KIF26B: variants seen among roughly 807,000 people sequenced by gnomAD.
The protein encoded by KIF26B is kinesin-like protein KIF26B.
A neutral mutation model predicts 151.2 loss-of-function variants in KIF26B; 63 were observed. The ratio of observed to expected loss-of-function variants is 0.42; its 90% CI spans 0.34 to 0.51. The LOEUF (loss-of-function observed/expected upper bound fraction) is 0.51. Among genes scored for constraint, KIF26B ranks in the 20% least tolerant of loss-of-function variants. The pLI, the probability that KIF26B is intolerant of heterozygous loss-of-function variation, is 0.07. For synonymous variants in KIF26B, 1,357 were observed against 1,262.1 expected (o/e 1.08, Z -1.59); for missense variants, 2,813 against 2,913.6 (o/e 0.97, Z 0.79).
At chr1:245,580,415 A>G (rs1281269222) in intron 5 of KIF26B, among the ~76,000 whole-genome samples, 7 of 152,248 alleles carry the variant, frequency 4.6e-5, no homozygotes, top group Admixed American at 4.6e-4. Context: ...GATCGGGACT[A>G]TTTAGAAAAG....
At chr1:245,624,529 C>T (rs1186368784) in intron 9 of KIF26B, among the ~76,000 whole-genome samples, 1 of 152,190 alleles carries the variant, frequency 6.6e-6, no homozygotes, top group Non-Finnish European at 1.5e-5. Flanking sequence ...GCCAAGCATC[C>T]TTCTACACGC....
chr1:245,159,098 G>T (rs1409007361), intron 2 of KIF26B, among the ~76,000 whole-genome samples: 1 of 152,126 alleles, frequency 6.6e-6, no homozygotes, highest in East Asian at 1.9e-4. Context: ...AGAACAAGAG[G>T]TGTCACTGTG....
chr1:245,572,903 A>C lies in KIF26B; in HGVS notation c.1351-29674A>C, dbSNP rs977420992. Among the ~76,000 whole-genome samples the C allele has an allele frequency of 6.6e-6, 1 of 152,106 alleles. No individual in the cohort carries two copies. Among genetic ancestry groups the C allele is most frequent in the Non-Finnish European group, 1.5e-5 (1 of 68,020 alleles). On this transcript the variant is annotated intron_variant, in intron 5 of 14. Coordinates refer to ENST00000407071, the MANE Select transcript of KIF26B (RefSeq NM_018012.4). The surrounding 1 kb of genome is among the most constrained non-coding windows in gnomAD (Gnocchi z 4.2). ...GCACCTGTCCCAAGCAGAAATGGAG[A>C]AACACGTCCTCACCTCCTCCTGCCA...
In KIF26B at chr1:245,239,086, G is replaced by A. The variant is rs1245480456; in HGVS notation, c.465+82403G>A. Among the ~76,000 whole-genome samples, 1 of 151,980 alleles carries A rather than the reference G, an allele frequency of 6.6e-6. No homozygotes were observed. Among genetic ancestry groups the A allele is most frequent in the East Asian group, 1.9e-4 (1 of 5,184 alleles). On this transcript the variant is annotated intron_variant, in intron 2 of 14. Transcript: ENST00000407071. This position sits in a 1 kb window ranked among gnomAD's most constrained non-coding sequence, Gnocchi z 4.3. ...AGAGTTGTATTTTCTGCCTCACGTCGCTGTCCTTCTCCCAGCCCATTCATT... is the reference window on the plus strand; with the variant it reads ...AGAGTTGTATTTTCTGCCTCACGTCACTGTCCTTCTCCCAGCCCATTCATT...
At chr1:245,438,800 G>A (rs114196173) in intron 4 of KIF26B, among the ~76,000 whole-genome samples, 2 of 152,312 alleles carry the variant, frequency 1.3e-5, no homozygotes, top group Non-Finnish European at 2.9e-5. Flanking sequence ...CTCTACAGAT[G>A]GAAGGCTACA....
intron 3 of KIF26B, among the ~76,000 whole-genome samples, chr1:245,397,507 C>T (rs1673878296): frequency 1.3e-5 from 2 of 152,222 alleles, no homozygotes; most frequent in Admixed American, 6.5e-5. Flanking sequence ...TGATCCACTG[C>T]GCCTGGCCCA....
At chr1:245,632,473 T>A (rs1036861541) in intron 9 of KIF26B, among the ~76,000 whole-genome samples, 2 of 152,248 alleles carry the variant, frequency 1.3e-5, no homozygotes, top group African/African-American at 4.8e-5. Flanking sequence ...CATGTACTGA[T>A]AATAAGGTTG....
chr1:245,197,543 G>A (rs968250667), intron 2 of KIF26B, among the ~76,000 whole-genome samples: 23 of 152,080 alleles, frequency 1.5e-4, no homozygotes, highest in Admixed American at 2.0e-4. Context: ...CATGGCTAAC[G>A]ATGGGGCTGT....
At chr1:245,157,037 C>T (rs890035107) in intron 2 of KIF26B, among the ~76,000 whole-genome samples, 1 of 152,160 alleles carries the variant, frequency 6.6e-6, no homozygotes, top group African/African-American at 2.4e-5. Context: ...CCCACCCCCA[C>T]CTGTGATCCT....
At chr1:245,484,767 A>ATATTATTATTATTATTATTATTATTAT (rs771748723) in intron 4 of KIF26B, among the ~76,000 whole-genome samples, 1 of 134,234 alleles carries the variant, frequency 7.4e-6, no homozygotes, top group South Asian at 2.4e-4. Context: ...CTTCTTCTTC[A>ATATTATTATTATTATTATTATTATTAT]TATTATTATT....
intron 2 of KIF26B, among the ~76,000 whole-genome samples, chr1:245,285,327 G>C (rs1476278844): frequency 6.6e-6 from 1 of 152,170 alleles, no homozygotes; most frequent in African/African-American, 2.4e-5. Flanking sequence ...TTCTGCCCAT[G>C]CTCCGTTAGC....
chr1:245,221,818 T>G (rs1262056961), intron 2 of KIF26B, among the ~76,000 whole-genome samples: 1 of 152,234 alleles, frequency 6.6e-6, no homozygotes, highest in Non-Finnish European at 1.5e-5. Flanking sequence ...TGAAGTAAAA[T>G]TTTAAATGTG....
chr1:245,679,409 AG>A (rs1395659772), intron 10 of KIF26B, among the ~76,000 whole-genome samples: 1 of 151,004 alleles, frequency 6.6e-6, no homozygotes, highest in Non-Finnish European at 1.5e-5. Context: ...GATTTTAAAA[AG>A]ACATTTTTCT....
rs141194340 is a variant in KIF26B, at chr1:245,531,330, G to A, written c.1167-9437G>A. ...ATGTAGTAGAAAGGCCTTGGATTTA[G>A]AGGATGGAAACACGAATGCAAGTCC... On this transcript the variant is annotated intron_variant, in intron 4 of 14. Coordinates refer to ENST00000407071, the MANE Select transcript of KIF26B (RefSeq NM_018012.4). Among the ~76,000 whole-genome samples, 682 of 152,294 alleles carry A rather than the reference G, an allele frequency of 4.5e-3. 1 individual carries two copies. Among genetic ancestry groups the A allele is most frequent in the Admixed American group, 7.1e-3 (109 of 15,298 alleles).
intron 2 of KIF26B, among the ~76,000 whole-genome samples, chr1:245,260,568 G>C (rs1183900135): frequency 2.0e-5 from 3 of 152,224 alleles, no homozygotes; most frequent in Admixed American, 2.0e-4. Context: ...AGGCCTATAG[G>C]ATTAACAACT....
At chr1:245,430,747 CA>C (rs1262706806) in intron 4 of KIF26B, among the ~76,000 whole-genome samples, 1 of 152,154 alleles carries the variant, frequency 6.6e-6, no homozygotes, top group Non-Finnish European at 1.5e-5. Context: ...TCTTGACACA[CA>C]TTTAATCTTC....
At chr1:245,701,180 C>T (rs1009307224) in intron 14 of KIF26B, among the ~76,000 whole-genome samples, 5 of 152,006 alleles carry the variant, frequency 3.3e-5, no homozygotes, top group Admixed American at 2.6e-4. Flanking sequence ...AGAAAATGAA[C>T]AGAAAGCTAC....
Position 245,607,642 on chromosome 1 carries a change from G to T in KIF26B, c.1558-9G>T. 2 of 1,601,936 alleles carry T rather than the reference G, an allele frequency of 1.2e-6. No homozygotes were observed. The highest frequency in any genetic ancestry group is 1.7e-6 in the Non-Finnish European group (2 of 1,174,050). ...ATTCACGGCTCGTGTCTCCTCTTGT[G>T]TCTGACAGGCTGAAGTGTGTGCAGG... is the stretch of plus-strand genomic sequence containing the variant. On this transcript the variant is annotated splice_polypyrimidine_tract_variant and intron_variant, in intron 6 of 14. Transcript: ENST00000407071.
Position 245,684,358 on chromosome 1 carries a change from C to T in KIF26B, c.2384C>T (p.Ala795Val), listed in dbSNP as rs1167184416. Residue 795 changes from alanine to valine, a missense_variant, in exon 11 of 15, where the codon GCA becomes GTA. Ala to Val is a moderately conservative substitution (Grantham distance 64, BLOSUM62 0). This residue lies in a region of KIF26B where 2,060 missense variants were observed against 2,088.6 expected (regional missense o/e 0.99). Transcript: ENST00000407071. ...GAGACCCTGTCCACCATCCAGATTGCATCGAGAGTCTTGAGGATGAAGAAA... is the reference window on the plus strand; with the variant it reads ...GAGACCCTGTCCACCATCCAGATTGTATCGAGAGTCTTGAGGATGAAGAAA... ...YAETLSTIQI[A>V]SRVLRMKKKK... The T allele has an allele frequency of 1.9e-6, 3 of 1,613,388 alleles. No individual in the cohort carries two copies. In the African/African-American group the frequency reaches 4.0e-5, roughly 22 times the overall value.
Sources: allele counts gnomAD v4.1 joint callset (sites outside exome capture counted in the v4.1 genomes callset), GRCh38; gene constraint gnomAD v4.1.1; regional missense constraint gnomAD v4.1.1; non-coding constraint Gnocchi (gnomAD v3.1); transcripts MANE v1.5; gene names NCBI Gene and HGNC (gene_info 2026-07-23, HGNC 2026-07-21).